LHX4: variants seen among roughly 807,000 people sequenced by gnomAD.
LHX4 encodes LIM homeobox 4.
Under a neutral mutation model 39.2 loss-of-function variants are expected in LHX4, and 16 were observed. The observed-to-expected ratio is 0.41, with a 90% confidence interval of 0.28 to 0.62. The LOEUF (loss-of-function observed/expected upper bound fraction) is 0.62, where lower values mean the gene tolerates loss of function less well. LHX4 is among the 20% of genes least tolerant of loss of function. The pLI, the probability that LHX4 is intolerant of heterozygous loss-of-function variation, is 0.33. For synonymous variants in LHX4, 206 were observed against 198.1 expected, an observed-to-expected ratio of 1.04 and a Z score of -0.33; for missense variants, 439 against 511.9, an observed-to-expected ratio of 0.86 and a Z score of 1.37.
At position 180,266,745 on chromosome 1, in the gene LHX4, A is replaced by G. The variant is rs572011798; in HGVS notation, c.451+151A>G. 3.8e-5 allele frequency: 29 copies of G among 770,728 alleles called. No homozygotes were observed. The highest frequency in any genetic ancestry group is 6.0e-5 in the Non-Finnish European group (27 of 451,440). The allele number at this position is 770,728 out of a possible 1,614,324, so 47.7% of individuals were successfully genotyped here. A position where few individuals can be genotyped will look rare whatever the true frequency, so the allele number is the denominator to read the frequency against. On this transcript the variant is annotated intron_variant, in intron 3 of 5. Coordinates refer to ENST00000263726, the MANE Select transcript of LHX4 (RefSeq NM_033343.4). The surrounding 1 kb of genome is among the most constrained non-coding windows in gnomAD (Gnocchi z 5.7). ...CCTCTGAGAAGCGTCCCAGATCTCC[A>G]CACTGAGAGTAAATGCTGAACACCT...
chr1:180,269,737 G>T (rs961884762), intron 3 of LHX4: 1 of 152,352 alleles, frequency 6.6e-6, no homozygotes, highest in South Asian at 2.1e-4. Context: ...ATTCAAAGTT[G>T]CATCAGACAC....
chr1:180,229,043 A>G (rs909661121), upstream of LHX4, among the ~76,000 whole-genome samples: 2 of 152,234 alleles, frequency 1.3e-5, no homozygotes, highest in Admixed American at 6.5e-5. Context: ...GGAGCGTCAG[A>G]GGAGACCTCG....
intron 2 of LHX4, among the ~76,000 whole-genome samples, chr1:180,265,438 G>A (rs940662797): frequency 1.3e-5 from 2 of 152,178 alleles, no homozygotes; most frequent in African/African-American, 2.4e-5. Flanking sequence ...GACCATCGGT[G>A]TGCCTCTGTT....
In LHX4 at chr1:180,274,799, A is replaced by AG; in HGVS notation, c.*225dup. 1 of 558,604 alleles carries AG rather than the reference A, an allele frequency of 1.8e-6. No individual in the cohort carries two copies. The highest frequency in any genetic ancestry group is 3.1e-6 in the Non-Finnish European group (1 of 319,686). 34.6% of individuals were successfully genotyped at this position (558,604 alleles called of 1,614,324 possible). ...GCAGACTCATCTCAGAACACAGCAC[A>AG]GGGGGTAATGGCCTAGAGCTCTAGG... On this transcript the variant is annotated 3_prime_UTR_variant, in exon 6 of 6. Coordinates refer to ENST00000263726, the MANE Select transcript of LHX4 (RefSeq NM_033343.4).
intron 2 of LHX4, among the ~76,000 whole-genome samples, chr1:180,260,737 G>A (rs1194752967): frequency 2.0e-5 from 3 of 151,854 alleles, no homozygotes. Context: ...GGAGCCTCAT[G>A]CAGGGGGCTC....
rs1390314441 is a variant in LHX4 at position 180,274,474 on chromosome 1, T to C, written c.1068T>C (p.Ala356=). 6.2e-7 allele frequency: 1 copy of C among 1,614,086 alleles called. No individual in the cohort carries two copies. Reference sequence around the variant, plus strand: ...TAAGCCAGACGCTGAGAGCCATGGCTGGGGGACCCACCTCTGACATCTCCA... The same window carrying C: ...TAAGCCAGACGCTGAGAGCCATGGCCGGGGGACCCACCTCTGACATCTCCA... The part of the protein sequence containing the change: ...QGVSQTLRAM[A]GGPTSDISTG... Residue 356 remains alanine, a synonymous_variant, in exon 6 of 6, where the codon GCT becomes GCC. Coordinates refer to ENST00000263726, the MANE Select transcript of LHX4 (RefSeq NM_033343.4).
intron 5 of LHX4, chr1:180,273,883 C>T (rs1474224083): frequency 7.0e-6 from 3 of 425,664 alleles, no homozygotes; most frequent in East Asian, 9.6e-5. Flanking sequence ...CATTCATCCT[C>T]CTCAGTGTAG....
rs900324998 is a variant in LHX4 at position 180,254,309 on chromosome 1, G to A, written c.248+5853G>A. 7.9e-5 allele frequency among the ~76,000 whole-genome samples: 12 copies of A among 152,240 alleles called. 1 individual carries two copies. Among genetic ancestry groups the A allele is most frequent in the Non-Finnish European group, 1.3e-4 (9 of 68,040 alleles). On this transcript the variant is annotated intron_variant, in intron 2 of 5. Transcript: ENST00000263726. ...GGGTGCGCCAGAGGCTCCCGGTAGCGGGATGGAGGCCGCTGTGTCGCAGGG... is the reference window on the plus strand; with the variant it reads ...GGGTGCGCCAGAGGCTCCCGGTAGCAGGATGGAGGCCGCTGTGTCGCAGGG...
rs1387026695 is a variant in LHX4, at chr1:180,256,981, G to A, written c.248+8525G>A. Among the ~76,000 whole-genome samples the A allele has an allele frequency of 3.9e-5, 6 of 152,348 alleles. No homozygotes were observed. In the South Asian group the frequency reaches 6.2e-4, roughly 16 times the overall value. ...GTGTGTGGTTTGAATGAGATGCCTC[G>A]CATGAAGTTGCCTGGTGCATATGAC... On this transcript the variant is annotated intron_variant, in intron 2 of 5. Coordinates refer to ENST00000263726, the MANE Select transcript of LHX4 (RefSeq NM_033343.4).
chr1:180,274,064 C>T, intron 5 of LHX4, 121 bp from the exon 6 acceptor site: 1 of 1,280,266 alleles, frequency 7.8e-7, no homozygotes, highest in Non-Finnish European at 1.1e-6. Flanking sequence ...CCATGCTTGG[C>T]TGCAAGGCAG....
chr1:180,272,060 CTG>C, intron 5 of LHX4, 54 bp downstream of exon 5: 2 of 1,515,858 alleles, frequency 1.3e-6, no homozygotes, highest in Non-Finnish European at 1.8e-6. Flanking sequence ...CCCTGGGAAT[CTG>C]TAATCCCTGG....
At position 180,240,901 on chromosome 1, in the gene LHX4, G is replaced by A. The variant is rs141841331; in HGVS notation, c.77-7384G>A. On this transcript the variant is annotated intron_variant, in intron 1 of 5. Transcript: ENST00000263726. ...AATGCTTCAGGTGCTTTGAGGGCTG[G>A]CTATCACGTTGTGAGTTTTAAAAGC... 9.5e-4 allele frequency among the ~76,000 whole-genome samples: 145 copies of A among 152,348 alleles called. 3 individuals are homozygous for A. Among genetic ancestry groups the A allele is most frequent in the African/African-American group, 3.3e-3 (136 of 41,582 alleles).
rs1355867755 is a variant in LHX4 at position 180,230,596 on chromosome 1, C to G, written c.67C>G (p.Pro23Ala). Residue 23 changes from proline (P) to alanine (A), a missense_variant, in exon 1 of 6, where the codon CCG (proline) becomes GCG (alanine). Coordinates refer to ENST00000263726, the MANE Select transcript of LHX4 (RefSeq NM_033343.4). The surrounding 1 kb of genome is among the most constrained non-coding windows in gnomAD (Gnocchi z 5.8). ...VKGLPEMLGV[P>A]MQQIPQCAGC... ...GGGGCTCCCGGAGATGCTAGGTGTG[C>G]CGATGCAACGTAAGACACCCCCCTT... 6.2e-7 allele frequency: 1 copy of G among 1,613,090 alleles called. No individual in the cohort carries two copies. Among genetic ancestry groups the G allele is most frequent in the Non-Finnish European group, 8.5e-7 (1 of 1,179,360 alleles).
chr1:180,234,207 ATATATATATAT>A lies in LHX4; in HGVS notation c.76+3603_76+3613del, dbSNP rs1249929075. 3.1e-5 allele frequency among the ~76,000 whole-genome samples: 2 copies of A among 64,430 alleles called. No homozygotes were observed. The highest frequency in any genetic ancestry group is 1.3e-4 in the Admixed American group (1 of 7,436). The allele number at this position is 64,430 out of a possible 152,430, so 42.3% of individuals were successfully genotyped here. A position where few individuals can be genotyped will look rare whatever the true frequency, so the allele number is the denominator to read the frequency against. On this transcript the variant is annotated intron_variant, in intron 1 of 5. Transcript: ENST00000263726. The surrounding 1 kb of genome is among the most constrained non-coding windows in gnomAD (Gnocchi z 4.8). Reference sequence around the variant, plus strand: ...TATATATATATATATATATATATATATATATATATATATAATAGATTGAGATTCTATCATAT... The same window carrying A: ...TATATATATATATATATATATATATAATAATAGATTGAGATTCTATCATAT...
At chr1:180,229,965 G>GC (rs1553278098), upstream of LHX4, among the ~76,000 whole-genome samples, 1 of 12,170 alleles carries the variant, frequency 8.2e-5, no homozygotes, top group African/African-American at 1.7e-4. Context: ...GAGGCGGGGA[G>GC]GGGGGGGGGG....
intron 1 of LHX4, among the ~76,000 whole-genome samples, chr1:180,231,920 C>G (rs1453274821): frequency 6.6e-6 from 1 of 152,176 alleles, no homozygotes; most frequent in East Asian, 1.9e-4. Context: ...ATAGCTTCAT[C>G]CAAGCCTATT....
chr1:180,277,872 T>TC lies in LHX4; in HGVS notation c.*3293_*3294insC, dbSNP rs1326246155. On this transcript the variant is annotated 3_prime_UTR_variant, in exon 6 of 6. Coordinates refer to ENST00000263726, the MANE Select transcript of LHX4 (RefSeq NM_033343.4). ...AACCATTTGGCAGTGTCCTTAAACT[T>TC]TTTTTGGGGGGGGGCAGTGTAAAAC... 1 of 58,354 alleles carries TC rather than the reference T, an allele frequency of 1.7e-5. No individual in the cohort carries two copies. Among genetic ancestry groups the TC allele is most frequent in the Non-Finnish European group, 5.3e-5 (1 of 18,766 alleles). 3.6% of individuals were successfully genotyped at this position (58,354 alleles called of 1,614,324 possible).
rs1647574761 is a variant in LHX4 at position 180,250,368 on chromosome 1, T to C, written c.248+1912T>C. Among the ~76,000 whole-genome samples the C allele has an allele frequency of 1.3e-5, 2 of 152,008 alleles. 1 individual carries two copies. The highest frequency in any genetic ancestry group is 4.2e-4 in the South Asian group (2 of 4,816). On this transcript the variant is annotated intron_variant, in intron 2 of 5. Transcript: ENST00000263726. ...GTGTGTGCGCGCGTGGGTTGACATATGTACCCGGGTGCAAATGTGAACATA... is the reference window on the plus strand; with the variant it reads ...GTGTGTGCGCGCGTGGGTTGACATACGTACCCGGGTGCAAATGTGAACATA...
chr1:180,257,414 C>G (rs1178084515), intron 2 of LHX4, among the ~76,000 whole-genome samples: 1 of 152,176 alleles, frequency 6.6e-6, no homozygotes, highest in Non-Finnish European at 1.5e-5. Context: ...TGAATGTGTG[C>G]ATGTGACATG....
Sources: gnomAD v4.1 joint callset for allele counts (sites outside exome capture counted in the v4.1 genomes callset) on GRCh38, gnomAD v4.1.1 for gene constraint, Gnocchi (gnomAD v3.1) non-coding constraint, MANE v1.5 for transcripts, NCBI Gene and HGNC (gene_info 2026-07-23, HGNC 2026-07-21) for gene names.